Variants in LARGE1 observed in about 807,000 individuals in gnomAD.
LARGE1 encodes the protein LARGE xylosyl- and glucuronyltransferase 1.
In LARGE1, 43 loss-of-function variants were observed where a neutral mutation model predicts 87.6. The observed-to-expected ratio is 0.49, with a 90% CI of 0.38 to 0.63. LARGE1 has a LOEUF of 0.63. Ranked by LOEUF, LARGE1 falls within the 30% of genes least tolerant of loss-of-function variation. The pLI, the probability that LARGE1 is intolerant of heterozygous loss-of-function variation, is 0.00. For synonymous variants in LARGE1, 434 were observed against 394.6 expected, an observed-to-expected ratio of 1.10 and a Z score of -1.18; for missense variants, 802 against 1,000.2, an observed-to-expected ratio of 0.80 and a Z score of 2.67.
At chr22:33,785,156 CAT>C (rs1380906964) in intron 1 of LARGE1, among the ~76,000 whole-genome samples, 8 of 121,744 alleles carry the variant, frequency 6.6e-5, no homozygotes, top group Admixed American at 1.6e-4. Flanking sequence ...TGTGTATATA[CAT>C]ATATGTGTAT....
At chr22:33,735,251 C>T (rs2083613164) in intron 2 of LARGE1, among the ~76,000 whole-genome samples, 1 of 152,152 alleles carries the variant, frequency 6.6e-6, no homozygotes, top group African/African-American at 2.4e-5. Context: ...AGTTGCTGCA[C>T]CTAGGGACTC....
chr22:33,520,377 C>T (rs2071523436), intron 6 of LARGE1, among the ~76,000 whole-genome samples: 1 of 152,152 alleles, frequency 6.6e-6, no homozygotes. Flanking sequence ...TGTCTGGCCT[C>T]AGTGCTTCTT....
chr22:33,535,272 G>A (rs1461035898), intron 6 of LARGE1, among the ~76,000 whole-genome samples: 12 of 152,192 alleles, frequency 7.9e-5, no homozygotes, highest in African/African-American at 1.7e-4. Context: ...GGCCAGGCGC[G>A]GTGGCTCATG....
At chr22:33,285,073 G>A (rs1031241101) in intron 12 of LARGE1, among the ~76,000 whole-genome samples, 2 of 152,190 alleles carry the variant, frequency 1.3e-5, no homozygotes, top group African/African-American at 2.4e-5. Flanking sequence ...GCCGGGGCAG[G>A]CATGCTGGGA....
At chr22:33,087,171 T>G in the LARGE1 span, among the ~76,000 whole-genome samples, 1 of 151,968 alleles carries the variant, frequency 6.6e-6, no homozygotes, top group Non-Finnish European at 1.5e-5. Flanking sequence ...TTCCACTCTC[T>G]TATTTTTTTT....
intron 12 of LARGE1, among the ~76,000 whole-genome samples, chr22:33,291,458 G>A (rs78319831): frequency 0.019 from 2,881 of 152,056 alleles, 82 homozygotes; most frequent in African/African-American, 0.066. Context: ...TCACTGGTGC[G>A]TGCTTAGGTA....
intron 10 of LARGE1, among the ~76,000 whole-genome samples, chr22:33,321,966 G>A (rs1027455449): frequency 6.6e-6 from 1 of 152,000 alleles, no homozygotes; most frequent in African/African-American, 2.4e-5. Flanking sequence ...TTACAGGTGC[G>A]CACCACCATG....
intron 6 of LARGE1, among the ~76,000 whole-genome samples, chr22:33,548,253 T>G (rs960531731): frequency 6.6e-6 from 1 of 152,244 alleles, no homozygotes; most frequent in Non-Finnish European, 1.5e-5. Context: ...CTTTTGCTTT[T>G]GCTTCTGCCA....
At position 33,402,771 on chromosome 22, in the gene LARGE1, T is replaced by C. The variant is rs772811908; in HGVS notation, c.893-18467A>G. Among the ~76,000 whole-genome samples, 5 of 152,170 alleles carry C rather than the reference T, an allele frequency of 3.3e-5. No homozygotes were observed. In the East Asian group the frequency reaches 7.7e-4, roughly 23 times the overall value. ...AAACTAGTTTCTTCCTATTGACCTGTAGGCACTGAATTCACCACTCACTGT... is the reference window on the plus strand; with the variant it reads ...AAACTAGTTTCTTCCTATTGACCTGCAGGCACTGAATTCACCACTCACTGT... On this transcript the variant is annotated intron_variant, in intron 7 of 14. Coordinates refer to ENST00000397394, the MANE Select transcript of LARGE1 (RefSeq NM_133642.5).
intron 2 of LARGE1, among the ~76,000 whole-genome samples, chr22:33,658,190 T>C (rs1487998626): frequency 6.6e-6 from 1 of 152,166 alleles, no homozygotes. Context: ...ATTAAAAAAC[T>C]TAGGAAACAA....
At chr22:33,541,488 G>A (rs2077209258) in intron 6 of LARGE1, among the ~76,000 whole-genome samples, 1 of 152,092 alleles carries the variant, frequency 6.6e-6, no homozygotes, top group East Asian at 1.9e-4. Flanking sequence ...ACACAATTGA[G>A]TTTCATTCTT....
intron 7 of LARGE1, among the ~76,000 whole-genome samples, chr22:33,404,450 C>T (rs575967604): frequency 2.3e-4 from 35 of 152,192 alleles, no homozygotes; most frequent in Non-Finnish European, 4.7e-4. Flanking sequence ...TCTGGGGGCA[C>T]ATAAAGGCCC....
intron 2 of LARGE1, among the ~76,000 whole-genome samples, chr22:33,719,404 C>T (rs923284614): frequency 3.3e-5 from 5 of 152,168 alleles, no homozygotes; most frequent in Admixed American, 6.5e-5. Flanking sequence ...CATTCACACA[C>T]CACTCACTCA....
intron 1 of LARGE1, among the ~76,000 whole-genome samples, chr22:33,862,213 C>T (rs11912171): frequency 6.6e-6 from 1 of 152,100 alleles, no homozygotes; most frequent in Admixed American, 6.5e-5. Context: ...GAGCTCACGG[C>T]AAGTGGTGAA....
At chr22:33,831,383 G>A (rs554870714) in intron 1 of LARGE1, among the ~76,000 whole-genome samples, 4 of 152,184 alleles carry the variant, frequency 2.6e-5, no homozygotes, top group African/African-American at 9.6e-5. Context: ...TTGCCTTCCT[G>A]TTCCTCCAGA....
chr22:33,308,219 A>G (rs1231844454), intron 11 of LARGE1, among the ~76,000 whole-genome samples: 1 of 152,164 alleles, frequency 6.6e-6, no homozygotes, highest in Admixed American at 6.5e-5. Context: ...AAGGAATTCT[A>G]GAGTCTCAGT....
intron 7 of LARGE1, among the ~76,000 whole-genome samples, chr22:33,399,136 C>T (rs1237099078): frequency 6.6e-6 from 1 of 151,996 alleles, no homozygotes; most frequent in African/African-American, 2.4e-5. Flanking sequence ...CCCTCCGCTT[C>T]CCCCCGCCCC....
rs532200756 is a variant in LARGE1 at position 33,470,858 on chromosome 22, A to G, written c.788-38593T>C. Among the ~76,000 whole-genome samples, 8 of 152,296 alleles carry G rather than the reference A, an allele frequency of 5.3e-5. 1 individual carries two copies. In the South Asian group the frequency reaches 1.7e-3, roughly 32 times the overall value. ...CACCATGCATGAATCTGAGAGAGCT[A>G]TTTTACAGCGTGGGACCTTAACCAA... On this transcript the variant is annotated intron_variant, in intron 6 of 14. Transcript: ENST00000397394.
chr22:33,835,258 C>G (rs1189108696), intron 1 of LARGE1, among the ~76,000 whole-genome samples: 1 of 152,146 alleles, frequency 6.6e-6, no homozygotes, highest in African/African-American at 2.4e-5. Flanking sequence ...TTTTAAGTGT[C>G]CTGTCATTTA....
Sources: gnomAD v4.1 joint callset for allele counts (sites outside exome capture counted in the v4.1 genomes callset) on GRCh38, gnomAD v4.1.1 for gene constraint, MANE v1.5 for transcripts, NCBI Gene and HGNC (gene_info 2026-07-23, HGNC 2026-07-21) for gene names.